Variants in CTBP2 observed in about 807,000 individuals in gnomAD.
The protein encoded by CTBP2 is C-terminal binding protein 2, also known as C-terminal-binding protein 2.
Under a neutral mutation model 80.3 loss-of-function variants are expected in CTBP2, and 30 were observed. The ratio of observed to expected loss-of-function variants is 0.37; its 90% CI spans 0.28 to 0.51. CTBP2 has a LOEUF of 0.51. CTBP2 is among the 20% of genes least tolerant of loss of function. CTBP2 has a pLI of 0.93. For synonymous variants in CTBP2, 594 were observed against 587.4 expected (o/e 1.01, Z -0.16); for missense variants, 1,212 against 1,375.3 (o/e 0.88, Z 1.88).
At chr10:125,109,772 G>C (rs1405655111) in intron 2 of CTBP2, among the ~76,000 whole-genome samples, 2 of 152,232 alleles carry the variant, frequency 1.3e-5, no homozygotes, top group South Asian at 2.1e-4. Flanking sequence ...CTTAAAGGGT[G>C]GGGAGGGTCC....
chr10:125,077,325 A>C (rs994995244), intron 2 of CTBP2, among the ~76,000 whole-genome samples: 1 of 152,184 alleles, frequency 6.6e-6, no homozygotes, highest in African/African-American at 2.4e-5. Flanking sequence ...CAGCGTTTCC[A>C]GCATGTGTGA....
At chr10:125,051,072 G>A (rs1962636131) in intron 2 of CTBP2, among the ~76,000 whole-genome samples, 1 of 152,164 alleles carries the variant, frequency 6.6e-6, no homozygotes. Context: ...ACAAGGTAAT[G>A]GCCATTTAAA....
At chr10:125,133,429 G>C (rs1002055294) in intron 1 of CTBP2, 4 of 152,316 alleles carry the variant, frequency 2.6e-5, no homozygotes, top group Admixed American at 6.5e-5. Flanking sequence ...TCTCAGCAAA[G>C]AGTTTCACAA....
chr10:125,142,322 C>T (rs1353701172), intron 1 of CTBP2, among the ~76,000 whole-genome samples: 1 of 152,134 alleles, frequency 6.6e-6, no homozygotes, highest in Non-Finnish European at 1.5e-5. Flanking sequence ...GACCAGAGCA[C>T]CCCTGGGGCT....
intron 1 of CTBP2, among the ~76,000 whole-genome samples, chr10:125,125,365 A>C (rs939969528): frequency 1.0e-5 from 1 of 96,328 alleles, no homozygotes; most frequent in African/African-American, 3.7e-5. Flanking sequence ...AGAGACAGAT[A>C]TAAGCCTTAT....
chr10:125,143,130 C>T (rs558876671), intron 1 of CTBP2, among the ~76,000 whole-genome samples: 27 of 152,180 alleles, frequency 1.8e-4, no homozygotes, highest in Admixed American at 1.4e-3. Context: ...GCAGCCCCCC[C>T]ACGACATCCC....
At chr10:124,994,332 G>A (rs894343886) in intron 5 of CTBP2, 137 bp downstream of exon 7, 1 of 875,530 alleles carries the variant, frequency 1.1e-6, no homozygotes, top group African/African-American at 1.7e-5. Context: ...CTTGTCACTG[G>A]TTTGTTGCAG....
intron 1 of CTBP2, chr10:125,005,937 C>G (rs12242509): frequency 1.3e-6 from 2 of 1,500,684 alleles, no homozygotes; most frequent in African/African-American, 2.8e-5. Flanking sequence ...GGTAGCCACA[C>G]AGGAAAACCA....
chr10:125,108,237 C>T (rs895550069), intron 2 of CTBP2, among the ~76,000 whole-genome samples: 3 of 152,174 alleles, frequency 2.0e-5, no homozygotes, highest in Non-Finnish European at 2.9e-5. Context: ...AAGTGTTTGA[C>T]GTCAAGTTAC....
At position 124,984,800 on chromosome 10, in the gene CTBP2, A is replaced by G. The variant is rs1295006023; in HGVS notation, c.*4718T>C. 1.2e-6 allele frequency: 2 copies of G among 1,613,438 alleles called. No individual in the cohort carries two copies. The highest frequency in any genetic ancestry group is 1.7e-6 in the Non-Finnish European group (2 of 1,179,820). On this transcript the variant is annotated 3_prime_UTR_variant, in exon 9 of 9. Transcript: ENST00000309035. Reference sequence around the variant, plus strand: ...TAGGTAATGAGGAACAGCAAGAAAAACTGCTCAGGGAGTGGCTGGACTGCT... The same window carrying G: ...TAGGTAATGAGGAACAGCAAGAAAAGCTGCTCAGGGAGTGGCTGGACTGCT...
At chr10:125,023,421 G>A (rs1170974165) in intron 1 of CTBP2, among the ~76,000 whole-genome samples, 1 of 152,224 alleles carries the variant, frequency 6.6e-6, no homozygotes, top group Non-Finnish European at 1.5e-5. Context: ...GATGATCCCT[G>A]CTGCATCTGG....
At position 125,058,478 on chromosome 10, in the gene CTBP2, G is replaced by A. The variant is rs182812522; in HGVS notation, c.-101-19323C>T. Among the ~76,000 whole-genome samples the A allele has an allele frequency of 3.3e-5, 5 of 152,216 alleles. No homozygotes were observed. The East Asian group carries it at 7.7e-4, about 24-fold the overall frequency. On this transcript the variant is annotated intron_variant, in intron 2 of 10. Coordinates refer to the CTBP2 transcript ENST00000337195. ...ACACAGCGAGGCATGGGCGTGTGTC[G>A]CAACTATTCCCCTGTTGAAATGTGA...
rs111629462 is a variant in CTBP2, at chr10:125,002,961, G to A, written c.1977C>T (p.Leu659=). ...CAGCCAGCGCTGCCTCGCACTCACCGAGCTCGCCGGCAGCCTTGATGTCCA... is the reference window on the plus strand; with the variant it reads ...CAGCCAGCGCTGCCTCGCACTCACCAAGCTCGCCGGCAGCCTTGATGTCCA... The change falls in exon 3 of 9, where the codon CTC becomes CTT. Residue 659 remains leucine, a splice_region_variant and synonymous_variant. Coordinates refer to ENST00000309035, the MANE Select transcript of CTBP2 (RefSeq NM_022802.3). 7.4e-6 allele frequency: 12 copies of A among 1,612,426 alleles called. No homozygotes were observed. Among genetic ancestry groups the A allele is most frequent in the African/African-American group, 6.7e-5 (5 of 74,910 alleles).
chr10:125,145,167 G>C (rs1591069779), intron 1 of CTBP2, among the ~76,000 whole-genome samples: 1 of 152,314 alleles, frequency 6.6e-6, no homozygotes, highest in East Asian at 1.9e-4. Context: ...CGAGTGTGTG[G>C]GTGTGTGTTG....
chr10:125,113,432 A>G (rs1852643649), intron 1 of CTBP2, among the ~76,000 whole-genome samples: 1 of 152,234 alleles, frequency 6.6e-6, no homozygotes, highest in Admixed American at 6.5e-5. Flanking sequence ...TCTTTGAAAC[A>G]TAGTAGGGAA....
rs137877215 is a variant in CTBP2 at position 125,026,025 on chromosome 10, C to T, written c.1678+57G>A. The T allele has an allele frequency of 4.6e-5, 70 of 1,521,492 alleles. 1 individual carries two copies. The East Asian group carries it at 7.1e-4, about 15-fold the overall frequency. The allele number at this position is 1,521,492 out of a possible 1,614,324, so 94.2% of individuals were successfully genotyped here. ...TCCTATGTTCAAACTTCTACAACCC[C>T]GCACCCCCCTGCTCCCCCCAGGTCC... On this transcript the variant is annotated intron_variant, in intron 1 of 8. Transcript: ENST00000309035.
intron 1 of CTBP2, among the ~76,000 whole-genome samples, chr10:125,011,731 C>T (rs1023445378): frequency 5.9e-5 from 9 of 152,218 alleles, no homozygotes; most frequent in South Asian, 2.1e-4. Flanking sequence ...CTATGCGGAA[C>T]GGAGGAGCAC....
chr10:125,106,816 C>A (rs1851530436), intron 2 of CTBP2, among the ~76,000 whole-genome samples: 1 of 152,384 alleles, frequency 6.6e-6, no homozygotes, highest in South Asian at 2.1e-4. Context: ...CTGATGAGAA[C>A]CAGCAGCCAG....
At position 125,061,872 on chromosome 10, in the gene CTBP2, C is replaced by T. The variant is rs145899593; in HGVS notation, c.-101-22717G>A. Among the ~76,000 whole-genome samples the T allele has an allele frequency of 5.4e-3, 822 of 152,278 alleles. 5 individuals carry two copies. Among genetic ancestry groups the T allele is most frequent in the African/African-American group, 0.019 (794 of 41,536 alleles). On this transcript the variant is annotated intron_variant, in intron 2 of 10. Coordinates refer to the CTBP2 transcript ENST00000337195. ...CCTGGACACTGTTCCCGTCACTTTG[C>T]ATGAATTCACTCATTCCTCCCAACA...
Sources: allele counts gnomAD v4.1 joint callset (sites outside exome capture counted in the v4.1 genomes callset), GRCh38; gene constraint gnomAD v4.1.1; transcripts MANE v1.5; gene names NCBI Gene and HGNC (gene_info 2026-07-23, HGNC 2026-07-21).